The following VIT variants were observed in gnomAD, a reference collection of about 807,000 sequenced individuals.
VIT encodes vitrin.
VIT carries 99 observed loss-of-function variants against 78.0 expected under a neutral mutation model. That is an observed-to-expected ratio of 1.27 (90% confidence interval 1.08 to 1.50). VIT has a LOEUF of 1.50. Ranked by LOEUF, VIT falls within the 40% of genes most tolerant of loss-of-function variation. The pLI is 0.00. For synonymous variants in VIT, 374 were observed against 334.3 expected, an observed-to-expected ratio of 1.12 and a Z score of -1.29; for missense variants, 1,126 against 875.3, an observed-to-expected ratio of 1.29 and a Z score of -3.61.
At chr2:36,808,301 G>A (rs1010960298) in intron 14 of VIT, among the ~76,000 whole-genome samples, 171 bp from the exon 15 acceptor site, 2 of 152,210 alleles carry the variant, frequency 1.3e-5, no homozygotes, top group African/African-American at 4.8e-5. Context: ...CGGGGGCTTC[G>A]CCTCAGTGAG....
chr2:36,814,301 G>A lies in VIT; in HGVS notation c.2022G>A (p.Gln674=). 6.2e-7 allele frequency: 1 copy of A among 1,614,214 alleles called. No homozygotes were observed. The highest frequency in any genetic ancestry group is 1.3e-5 in the African/African-American group (1 of 75,046). ...FFVDEFDNLH[Q]YVPRIIQNIC... Reference sequence around the variant, plus strand: ...TGGACGAGTTTGACAACCTCCATCAGTATGTCCCCAGGATCATCCAGAACA... The same window carrying A: ...TGGACGAGTTTGACAACCTCCATCAATATGTCCCCAGGATCATCCAGAACA... Residue 674 remains glutamine (Q), a synonymous_variant, in exon 16 of 16, where the codon CAG becomes CAA. Transcript: ENST00000379242.
At chr2:36,740,178 C>T (rs1667751750) in intron 3 of VIT, among the ~76,000 whole-genome samples, 1 of 152,170 alleles carries the variant, frequency 6.6e-6, no homozygotes, top group Non-Finnish European at 1.5e-5. Flanking sequence ...TAAACCTTAA[C>T]AACCAAAGAA....
At position 36,754,996 on chromosome 2, in the gene VIT, T is replaced by C; in HGVS notation, c.351T>C (p.Tyr117=). The stretch of plus-strand genomic sequence containing the variant: ...GACAGTCTGGTTACAAAGGGAGTTA[T>C]TCCAACGGTGTCCAATCGTTATCCC... ...VAGQSGYKGS[Y]SNGVQSLSLP... Residue 117 remains tyrosine, a synonymous_variant, in exon 5 of 16, where the codon TAT becomes TAC. Transcript: ENST00000379242. The C allele has an allele frequency of 6.2e-7, 1 of 1,614,196 alleles. No individual in the cohort carries two copies. The highest frequency in any genetic ancestry group is 8.5e-7 in the Non-Finnish European group (1 of 1,180,024).
chr2:36,787,427 C>T, intron 12 of VIT, 151 bp downstream of exon 12: 1 of 1,137,466 alleles, frequency 8.8e-7, no homozygotes. Flanking sequence ...AATGAAAAAA[C>T]TGAAGGAATC....
At chr2:36,780,420 G>A (rs560014660) in intron 9 of VIT, among the ~76,000 whole-genome samples, 2 of 152,192 alleles carry the variant, frequency 1.3e-5, no homozygotes, top group African/African-American at 2.4e-5. Context: ...TCACCAGTAG[G>A]TGGCGATAAA....
At chr2:36,772,048 A>G (rs1331812169) in intron 7 of VIT, among the ~76,000 whole-genome samples, 1 of 152,224 alleles carries the variant, frequency 6.6e-6, no homozygotes, top group African/African-American at 2.4e-5. Context: ...ATTGCTTACT[A>G]TGCATAGTAT....
At chr2:36,774,381 T>C (rs530653755) in intron 8 of VIT, among the ~76,000 whole-genome samples, 2 of 152,280 alleles carry the variant, frequency 1.3e-5, no homozygotes, top group South Asian at 4.1e-4. Context: ...TCTGCAGCAC[T>C]GTTAAGGCCT....
chr2:36,716,418 C>A lies in VIT; in HGVS notation c.48C>A (p.Phe16Leu). Residue 16 changes from phenylalanine (F) to leucine (L), a missense_variant, in exon 2 of 16, where the codon TTC becomes TTA. Coordinates refer to ENST00000379242, the MANE Select transcript of VIT (RefSeq NM_053276.4). ...TGAAGGCATCTGTTATTGAAATGTT[C>A]CTTGGTAAGTACTTTTATATGTGTA... ...LTMKASVIEM[F>L]LVLLVTGVHS... is the part of the protein sequence containing the mutation. 6.2e-7 allele frequency: 1 copy of A among 1,613,680 alleles called. No homozygotes were observed. The highest frequency in any genetic ancestry group is 1.3e-5 in the African/African-American group (1 of 75,020).
intron 1 of VIT, among the ~76,000 whole-genome samples, chr2:36,702,214 G>A (rs573033986): frequency 2.6e-5 from 4 of 152,080 alleles, no homozygotes; most frequent in Admixed American, 6.5e-5. Context: ...TGCTTGGGAG[G>A]CCAGTGTGTC....
At chr2:36,803,461 G>C (rs1398541159) in intron 13 of VIT, among the ~76,000 whole-genome samples, 2 of 152,218 alleles carry the variant, frequency 1.3e-5, no homozygotes, top group African/African-American at 4.8e-5. Flanking sequence ...TATAAGGTTA[G>C]GTGGGGTTGA....
At chr2:36,810,502 A>C (rs11884536) in intron 15 of VIT, among the ~76,000 whole-genome samples, 13,036 of 152,250 alleles carry the variant, frequency 0.086, 1,753 homozygotes, top group African/African-American at 0.29. Context: ...GAAAACCCCA[A>C]GTGATAATAA....
chr2:36,807,120 C>A (rs1471342008), intron 14 of VIT, among the ~76,000 whole-genome samples: 1 of 152,180 alleles, frequency 6.6e-6, no homozygotes, highest in Non-Finnish European at 1.5e-5. Flanking sequence ...ACGCCCCCTC[C>A]CCAGTTCAAG....
chr2:36,770,645 G>T (rs1311507702), intron 7 of VIT, among the ~76,000 whole-genome samples: 2 of 152,206 alleles, frequency 1.3e-5, no homozygotes, highest in Non-Finnish European at 1.5e-5. Context: ...TGGCATCAGA[G>T]GGGGAAGCCG....
At chr2:36,813,892 G>T (rs1189656756) in intron 15 of VIT, among the ~76,000 whole-genome samples, 1 of 151,980 alleles carries the variant, frequency 6.6e-6, no homozygotes, top group African/African-American at 2.4e-5. Context: ...ACTCCATTTT[G>T]TTCATTGTTT....
Position 36,758,979 on chromosome 2 carries a change from C to G in VIT, c.420C>G (p.Pro140=). The G allele has an allele frequency of 6.2e-7, 1 of 1,613,106 alleles. No individual in the cohort carries two copies. Among genetic ancestry groups the G allele is most frequent in the Non-Finnish European group, 8.5e-7 (1 of 1,179,798 alleles). ...RESFIVLESK[P]KKGVTYPSAL... ...TTCTCTTTTTTGCAGAAAGTAAACC[C>G]AAAAAGGGTGTAACCTACCCATCAG... Residue 140 remains proline (P), a synonymous_variant, in exon 6 of 16, where the codon CCC becomes CCG. Coordinates refer to ENST00000379242, the MANE Select transcript of VIT (RefSeq NM_053276.4).
intron 4 of VIT, among the ~76,000 whole-genome samples, chr2:36,751,979 A>T (rs1458534184): frequency 1.3e-5 from 2 of 152,192 alleles, no homozygotes; most frequent in Non-Finnish European, 1.5e-5. Flanking sequence ...CAGAAAGTAT[A>T]TTGGGGATCT....
At chr2:36,752,566 G>A (rs888628946) in intron 4 of VIT, among the ~76,000 whole-genome samples, 1 of 152,340 alleles carries the variant, frequency 6.6e-6, no homozygotes, top group South Asian at 2.1e-4. Context: ...TGATACAAAT[G>A]ATGAGGTGGT....
In VIT at chr2:36,813,847, C is replaced by G. The variant is rs578052121; in HGVS notation, c.1904-336C>G. Among the ~76,000 whole-genome samples, 6 of 152,352 alleles carry G rather than the reference C, an allele frequency of 3.9e-5. No homozygotes were observed. In the South Asian group the frequency reaches 1.2e-3, roughly 32 times the overall value. Reference sequence around the variant, plus strand: ...TTGTCCCAAAATATCTTCCCCTCTTCTATTCCCAAACATGAAATTCTTACC... The same window carrying G: ...TTGTCCCAAAATATCTTCCCCTCTTGTATTCCCAAACATGAAATTCTTACC... On this transcript the variant is annotated intron_variant, in intron 15 of 15. Coordinates refer to ENST00000379242, the MANE Select transcript of VIT (RefSeq NM_053276.4).
chr2:36,741,056 G>C (rs1667805627), intron 3 of VIT, among the ~76,000 whole-genome samples: 1 of 152,256 alleles, frequency 6.6e-6, no homozygotes, highest in East Asian at 1.9e-4. Context: ...AAAAAATTAA[G>C]AACAAAGAAG....
Sources: allele counts gnomAD v4.1 joint callset (sites outside exome capture counted in the v4.1 genomes callset), GRCh38; gene constraint gnomAD v4.1.1; transcripts MANE v1.5; gene names NCBI Gene and HGNC (gene_info 2026-07-23, HGNC 2026-07-21).